CUX1: variants seen among roughly 807,000 people sequenced by gnomAD.
CUX1 encodes protein CASP.
A neutral mutation model predicts 158.8 loss-of-function variants in CUX1; 31 were observed. The ratio of observed to expected loss-of-function variants is 0.20; its 90% CI spans 0.15 to 0.26. CUX1 has a LOEUF of 0.26. Ranked by LOEUF, CUX1 falls within the 10% of genes least tolerant of loss-of-function variation. The pLI is 1.00. For synonymous variants in CUX1, 879 were observed against 862.1 expected (o/e 1.02, Z -0.34); for missense variants, 1,589 against 2,014.6 (o/e 0.79, Z 4.04).
intron 1 of CUX1, among the ~76,000 whole-genome samples, chr7:101,910,256 C>T (rs1218548337): frequency 1.3e-5 from 2 of 152,148 alleles, no homozygotes; most frequent in Non-Finnish European, 2.9e-5. Context: ...AAACGATCCT[C>T]CCGCCTTAGC....
intron 1 of CUX1, among the ~76,000 whole-genome samples, chr7:101,827,065 A>G (rs766600789): frequency 3.3e-5 from 5 of 152,166 alleles, no homozygotes; most frequent in Admixed American, 6.5e-5. Context: ...GCAAAGTAAC[A>G]TAAGTGTTAC....
At chr7:102,012,551 T>C (rs1395841745) in intron 2 of CUX1, among the ~76,000 whole-genome samples, 1 of 152,126 alleles carries the variant, frequency 6.6e-6, no homozygotes, top group Non-Finnish European at 1.5e-5. Context: ...AATATGATAA[T>C]GAAAGCAGAA....
At chr7:102,067,103 A>G (rs1825628690) in intron 3 of CUX1, among the ~76,000 whole-genome samples, 1 of 152,082 alleles carries the variant, frequency 6.6e-6, no homozygotes, top group Non-Finnish European at 1.5e-5. Context: ...TCACCCCAAA[A>G]GGAAATCCCA....
rs565644802 is a variant in CUX1 at position 101,862,794 on chromosome 7, C to A, written c.30+45125C>A. ...GTGTGTGTGTGGAAAGTTTAGAGCT[C>A]CCAAAGTTTAGAGCTCAGAGAGGAT... On this transcript the variant is annotated intron_variant, in intron 1 of 23. Transcript: ENST00000292535. Among the ~76,000 whole-genome samples, 47 of 152,042 alleles carry A rather than the reference C, an allele frequency of 3.1e-4. No homozygotes were observed. In the South Asian group the frequency reaches 9.3e-3, roughly 30 times the overall value.
chr7:102,204,999 C>A, intron 19 of CUX1, 115 bp from the exon 20 acceptor site: 1 of 727,426 alleles, frequency 1.4e-6, no homozygotes, highest in South Asian at 1.7e-5. Context: ...GGTCCCCATG[C>A]CCGCCCCTCC....
intron 2 of CUX1, among the ~76,000 whole-genome samples, chr7:101,918,858 C>T (rs1333774907): frequency 3.3e-5 from 5 of 152,238 alleles, no homozygotes; most frequent in South Asian, 2.1e-4. Context: ...TCTCGGCTCA[C>T]TGCAACCTCC....
intron 20 of CUX1, among the ~76,000 whole-genome samples, chr7:102,214,883 T>C (rs1255186674): frequency 6.6e-6 from 1 of 152,270 alleles, no homozygotes; most frequent in Non-Finnish European, 1.5e-5. Context: ...TTGGCAGATG[T>C]TGGGTCTGTC....
At chr7:101,956,138 CAAAA>C (rs11462111) in intron 2 of CUX1, among the ~76,000 whole-genome samples, 3 of 64,980 alleles carry the variant, frequency 4.6e-5, no homozygotes, top group African/African-American at 6.9e-5. Context: ...GCCCACGTCT[CAAAA>C]AAAAAAAAAA....
chr7:102,087,451 A>G (rs1419375159), intron 4 of CUX1, among the ~76,000 whole-genome samples: 1 of 152,140 alleles, frequency 6.6e-6, no homozygotes, highest in Non-Finnish European at 1.5e-5. Context: ...GTGGTGGCAC[A>G]TGCCTGTAAT....
intron 21 of CUX1, among the ~76,000 whole-genome samples, chr7:102,231,739 A>G (rs1158747782): frequency 1.5e-5 from 2 of 136,656 alleles, no homozygotes; most frequent in African/African-American, 2.8e-5. Flanking sequence ...TTTGAGATGG[A>G]GTCTCGCTCT....
At chr7:101,882,296 A>G (rs575299170) in intron 1 of CUX1, among the ~76,000 whole-genome samples, 3 of 152,376 alleles carry the variant, frequency 2.0e-5, no homozygotes, top group Non-Finnish European at 4.4e-5. Flanking sequence ...TTTCGTGACC[A>G]GTCACTCAGC....
At chr7:101,831,734 T>TTTATTATTATTAGTA (rs1554383887) in intron 1 of CUX1, among the ~76,000 whole-genome samples, 12 of 147,410 alleles carry the variant, frequency 8.1e-5, no homozygotes, top group African/African-American at 3.0e-4. Context: ...GAGAAATAAC[T>TTTATTATTATTAGTA]TTATTATTAT....
chr7:101,817,146 G>A (rs1405836252), upstream of CUX1: 3 of 984,234 alleles, frequency 3.0e-6, no homozygotes, highest in African/African-American at 1.8e-5. This position sits in a 1 kb window ranked among gnomAD's most constrained non-coding sequence, Gnocchi z 4.1. Flanking sequence ...GCGGGAGGAG[G>A]AGGCTGCAAC....
intron 3 of CUX1, among the ~76,000 whole-genome samples, chr7:102,052,046 T>A (rs1201241247): frequency 6.6e-6 from 1 of 151,998 alleles, no homozygotes; most frequent in Non-Finnish European, 1.5e-5. Flanking sequence ...ACCCCGTCTC[T>A]ACTAAAAAAA....
At chr7:102,266,542 C>T (rs1314351065) in intron 14 of CUX1, among the ~76,000 whole-genome samples, 1 of 151,950 alleles carries the variant, frequency 6.6e-6, no homozygotes, top group Admixed American at 6.6e-5. Context: ...GGGGAGGCAT[C>T]GGCTTGTCAA....
At chr7:102,157,529 C>T (rs1260918113) in intron 8 of CUX1, among the ~76,000 whole-genome samples, 1 of 152,174 alleles carries the variant, frequency 6.6e-6, no homozygotes, top group Admixed American at 6.5e-5. Context: ...CCTGTAATTC[C>T]AGCACTTTGG....
At chr7:102,088,125 G>C (rs1264720204) in intron 4 of CUX1, among the ~76,000 whole-genome samples, 1 of 151,732 alleles carries the variant, frequency 6.6e-6, no homozygotes, top group Non-Finnish European at 1.5e-5. Flanking sequence ...AGCCTCCCCA[G>C]TAACTGGGAT....
At chr7:102,278,037 T>C in exon 18 of CUX1, 4 of 1,609,068 alleles carry the variant, frequency 2.5e-6, no homozygotes, top group Non-Finnish European at 2.5e-6. Flanking sequence ...TTTGAGAAGA[T>C]CAAGTTCCTG....
At chr7:102,103,761 T>A (rs115094356) in intron 5 of CUX1, among the ~76,000 whole-genome samples, 3,491 of 149,388 alleles carry the variant, frequency 0.023, 127 homozygotes, top group African/African-American at 0.08. Flanking sequence ...TTTTTTTTTT[T>A]AATTTATTTG....
Sources: allele counts gnomAD v4.1 joint callset (sites outside exome capture counted in the v4.1 genomes callset), GRCh38; gene constraint gnomAD v4.1.1; non-coding constraint Gnocchi (gnomAD v3.1); transcripts MANE v1.5; gene names NCBI Gene and HGNC (gene_info 2026-07-23, HGNC 2026-07-21).